Variants in BCL6B observed in about 807,000 individuals in gnomAD.
The protein encoded by BCL6B is B-cell CLL/lymphoma 6 member B protein.
A neutral mutation model predicts 44.6 loss-of-function variants in BCL6B; 28 were observed. The ratio of observed to expected loss-of-function variants is 0.63; its 90% CI spans 0.47 to 0.86. The LOEUF is 0.86. Ranked by LOEUF, BCL6B falls within the 40% of genes least tolerant of loss-of-function variation. The probability of loss-of-function intolerance (pLI) is 0.00; values close to 1 mark genes in which losing one functional copy is unlikely to be tolerated. For missense variants in BCL6B, 626 were observed against 652.3 expected, an observed-to-expected ratio of 0.96 and a Z score of 0.44; for synonymous variants, 268 against 263.6, an observed-to-expected ratio of 1.02 and a Z score of -0.16.
chr17:7,024,107 G>A lies in BCL6B; in HGVS notation c.204G>A (p.Arg68=). ...GTGGCTTCTTCTATTCAATTTTCCG[G>A]GGCCGTGCGGGAGTCGGGGTGGACG... ...ACSGFFYSIF[R]GRAGVGVDVL... Residue 68 remains arginine (R), a synonymous_variant, in exon 3 of 9, where the codon CGG becomes CGA. Coordinates refer to ENST00000293805, the MANE Select transcript of BCL6B (RefSeq NM_181844.4). This position sits in a 1 kb window ranked among gnomAD's most constrained non-coding sequence, Gnocchi z 6.6. 1 of 1,613,980 alleles carries A rather than the reference G, an allele frequency of 6.2e-7. No individual in the cohort carries two copies. The highest frequency in any genetic ancestry group is 8.5e-7 in the Non-Finnish European group (1 of 1,180,020).
In BCL6B at chr17:7,029,125, T is replaced by C; in HGVS notation, c.*1506T>C. ...TTGTTGGCATTACAGATGTAAAAGATTGACTAGCCCATAGGCCAAAGGCCT... is the reference window on the plus strand; with the variant it reads ...TTGTTGGCATTACAGATGTAAAAGACTGACTAGCCCATAGGCCAAAGGCCT... On this transcript the variant is annotated 3_prime_UTR_variant, in exon 9 of 9. Coordinates refer to ENST00000293805, the MANE Select transcript of BCL6B (RefSeq NM_181844.4). The C allele has an allele frequency of 2.0e-6, 2 of 985,536 alleles. No homozygotes were observed. Among genetic ancestry groups the C allele is most frequent in the Non-Finnish European group, 2.4e-6 (2 of 829,988 alleles). The allele number at this position is 985,536 out of a possible 1,614,324, so 61.0% of individuals were successfully genotyped here.
rs2151662512 is a variant in BCL6B at position 7,023,728 on chromosome 17, C to T, written c.57C>T (p.Arg19=). The T allele has an allele frequency of 6.2e-7, 1 of 1,613,234 alleles. No individual in the cohort carries two copies. Residue 19 remains arginine, a synonymous_variant, in exon 2 of 9, where the codon CGC becomes CGT. Coordinates refer to ENST00000293805, the MANE Select transcript of BCL6B (RefSeq NM_181844.4). ...GALGYVREFT[R]HSSDVLGNLN... ...TGGGCTACGTCCGCGAGTTCACTCG[C>T]CACTCCTCCGACGTGCTGGGCAACC...
intron 5 of BCL6B, among the ~76,000 whole-genome samples, chr17:7,025,921 TTTTA>T (rs1198720327): frequency 6.6e-6 from 1 of 151,834 alleles, no homozygotes; most frequent in Non-Finnish European, 1.5e-5. Context: ...ACTGCTTTTA[TTTTA>T]TTTATTTATT....
rs754941923 is a variant in BCL6B, at chr17:7,027,023, G to T, written c.1259G>T (p.Arg420Leu). The change falls in exon 8 of 9, where the codon CGC becomes CTC. Residue 420 changes from arginine to leucine, a missense_variant. Transcript: ENST00000293805. ...TACCCTTGCCCTACCTGCGGAACCC[G>T]CTTCCGCCACCTGCAGACCCTCAAG... ...KPYPCPTCGT[R>L]FRHLQTLKSH... is the part of the protein sequence containing the mutation. The T allele has an allele frequency of 8.7e-6, 14 of 1,613,586 alleles. No individual in the cohort carries two copies. In the Admixed American group the frequency reaches 2.2e-4, roughly 25 times the overall value.
rs756736408 is a variant in BCL6B at position 7,024,171 on chromosome 17, G to C, written c.268G>C (p.Ala90Pro). 6.2e-6 allele frequency: 10 copies of C among 1,613,778 alleles called. No individual in the cohort carries two copies. The highest frequency in any genetic ancestry group is 7.6e-6 in the Non-Finnish European group (9 of 1,180,018). The change falls in exon 3 of 9, where the codon GCC becomes CCC. Residue 90 changes from alanine (A) to proline (P), a missense_variant. Transcript: ENST00000293805. The surrounding 1 kb of genome is among the most constrained non-coding windows in gnomAD (Gnocchi z 6.6). ...CGGGGGTCCCGAAGCGAGAGGCTTC[G>C]CCCCTCTATTGGACTTCATGTACAC... is the stretch of plus-strand genomic sequence containing the variant. The part of the protein sequence containing the change: ...LPGGPEARGF[A>P]PLLDFMYTSR...
At chr17:7,026,868 C>T in intron 7 of BCL6B, 33 bp downstream of exon 7, 1 of 1,612,234 alleles carries the variant, frequency 6.2e-7, no homozygotes. Context: ...GCTTCCAAGG[C>T]AAACCTGCAA....
In BCL6B at chr17:7,024,998, G is replaced by A. The variant is rs187556986; in HGVS notation, c.765-78G>A. On this transcript the variant is annotated intron_variant, in intron 4 of 8. Coordinates refer to ENST00000293805, the MANE Select transcript of BCL6B (RefSeq NM_181844.4). The surrounding 1 kb of genome is among the most constrained non-coding windows in gnomAD (Gnocchi z 6.6). ...CTCACCCTGAGAGGGCAGGCCTTTG[G>A]CTCCAAATTTCCCAGGAGAGAACCC... 3.0e-5 allele frequency: 47 copies of A among 1,561,832 alleles called. 1 individual carries two copies. In the East Asian group the frequency reaches 9.9e-4, roughly 33 times the overall value.
In BCL6B at chr17:7,027,797, CCT is replaced by C. The variant is rs1449952689; in HGVS notation, c.*181_*182del. 7 of 1,431,988 alleles carry C rather than the reference CCT, an allele frequency of 4.9e-6. No homozygotes were observed. In the African/African-American group the frequency reaches 5.8e-5, roughly 12 times the overall value. The allele number at this position is 1,431,988 out of a possible 1,614,324, so 88.7% of individuals were successfully genotyped here. On this transcript the variant is annotated 3_prime_UTR_variant, in exon 9 of 9. Transcript: ENST00000293805. The stretch of plus-strand genomic sequence containing the variant: ...GGGTGGCAGATCCTGGCTAGATCTG[CCT>C]CTGTTTTGCTGGTCAAAACCTCTTC...
rs1219592171 is a variant in BCL6B at position 7,029,334 on chromosome 17, A to C, written c.*1715A>C. 5 of 990,368 alleles carry C rather than the reference A, an allele frequency of 5.0e-6. No homozygotes were observed. In the African/African-American group the frequency reaches 8.7e-5, roughly 17 times the overall value. The allele number at this position is 990,368 out of a possible 1,614,324, so 61.3% of individuals were successfully genotyped here. On this transcript the variant is annotated 3_prime_UTR_variant, in exon 9 of 9. Coordinates refer to ENST00000293805, the MANE Select transcript of BCL6B (RefSeq NM_181844.4). ...TCTGCCCCTTGTTGCCCTGGGGCTT[A>C]TCTGATTATGGGACGAGGGTAGAAA...
rs2151664886 is a variant in BCL6B, at chr17:7,028,115, TG to T, written c.*499del. The T allele has an allele frequency of 1.0e-6, 1 of 986,894 alleles. No homozygotes were observed. The highest frequency in any genetic ancestry group is 1.1e-4 in the East Asian group (1 of 8,828). The allele number at this position is 986,894 out of a possible 1,614,324, so 61.1% of individuals were successfully genotyped here. A position where few individuals can be genotyped will look rare whatever the true frequency, so the allele number is the denominator to read the frequency against. On this transcript the variant is annotated 3_prime_UTR_variant, in exon 9 of 9. Coordinates refer to ENST00000293805, the MANE Select transcript of BCL6B (RefSeq NM_181844.4). ...TAGCCCTTGGCTCTCTCGTTTGGCTTGGGTATTTTATATTATTTCTGTCATA... is the reference window on the plus strand; with the variant it reads ...TAGCCCTTGGCTCTCTCGTTTGGCTTGGTATTTTATATTATTTCTGTCATA...
Position 7,024,783 on chromosome 17 carries a change from A to C in BCL6B, c.764+20A>C. The stretch of plus-strand genomic sequence containing the variant: ...GAGCAGGTACAGAGTCTAGAACCTC[A>C]AGAATTTGTCAGAGCTGGCCTCAGC... On this transcript the variant is annotated intron_variant, in intron 4 of 8. Coordinates refer to ENST00000293805, the MANE Select transcript of BCL6B (RefSeq NM_181844.4). The surrounding 1 kb of genome is among the most constrained non-coding windows in gnomAD (Gnocchi z 6.6). 1 of 1,586,038 alleles carries C rather than the reference A, an allele frequency of 6.3e-7. No homozygotes were observed. The highest frequency in any genetic ancestry group is 8.6e-7 in the Non-Finnish European group (1 of 1,166,614).
At position 7,024,587 on chromosome 17, in the gene BCL6B, G is replaced by A. The variant is rs1164828444; in HGVS notation, c.588G>A (p.Lys196=). ...SPDPKACNWK[K]YKYIVLNSQA... ...ACCCCAAGGCCTGCAACTGGAAAAA[G>A]TACAAGTACATCGTGCTAAACTCTC... The change falls in exon 4 of 9, where the codon AAG becomes AAA. Residue 196 remains lysine (K), a synonymous_variant. Transcript: ENST00000293805. The surrounding 1 kb of genome is among the most constrained non-coding windows in gnomAD (Gnocchi z 6.6). The A allele has an allele frequency of 6.2e-7, 1 of 1,614,116 alleles. No individual in the cohort carries two copies. The highest frequency in any genetic ancestry group is 1.7e-5 in the Admixed American group (1 of 60,012).
At chr17:7,026,355 T>C in intron 5 of BCL6B, 102 bp from the exon 6 acceptor site, 1 of 1,438,988 alleles carries the variant, frequency 6.9e-7, no homozygotes, top group Non-Finnish European at 9.4e-7. Context: ...TAACAATAAA[T>C]TGGGAAACAG....
intron 5 of BCL6B, among the ~76,000 whole-genome samples, chr17:7,025,730 A>G (rs893422596): frequency 6.6e-6 from 1 of 151,016 alleles, no homozygotes; most frequent in Non-Finnish European, 1.5e-5. Context: ...CCAGCTACTC[A>G]GGAAGCTAAA....
Position 7,024,700 on chromosome 17 carries a change from CCAGCAGCAG to C in BCL6B, c.723_731del (p.Ser242_Ser244del), listed in dbSNP as rs55799550. 3.2e-4 allele frequency: 474 copies of C among 1,458,784 alleles called. No homozygotes were observed. The highest frequency in any genetic ancestry group is 3.9e-4 in the Non-Finnish European group (414 of 1,056,926). 90.4% of individuals were successfully genotyped at this position (1,458,784 alleles called of 1,614,324 possible). ...AGGCTCCCCAGTGGAGACGAGGCCT[CCAGCAGCAG>C]CAGCAGCAGCAGCAGCAGCAGTGAA... On this transcript the variant is annotated inframe_deletion, in exon 4 of 9. Coordinates refer to ENST00000293805, the MANE Select transcript of BCL6B (RefSeq NM_181844.4). This position sits in a 1 kb window ranked among gnomAD's most constrained non-coding sequence, Gnocchi z 6.6.
chr17:7,023,746 G>C lies in BCL6B; in HGVS notation c.75G>C (p.Leu25=). 1 of 1,613,354 alleles carries C rather than the reference G, an allele frequency of 6.2e-7. No homozygotes were observed. Among genetic ancestry groups the C allele is most frequent in the South Asian group, 1.1e-5 (1 of 91,084 alleles). ...REFTRHSSDV[L]GNLNELRLRG... ...TCACTCGCCACTCCTCCGACGTGCT[G>C]GGCAACCTCAACGAGCTGCGCCTGC... The change falls in exon 2 of 9, where the codon CTG becomes CTC. Residue 25 remains leucine, a synonymous_variant. Transcript: ENST00000293805.
rs1188428947 is a variant in BCL6B at position 7,029,226 on chromosome 17, TAG to T, written c.*1609_*1610del. 1 of 986,284 alleles carries T rather than the reference TAG, an allele frequency of 1.0e-6. No homozygotes were observed. Among genetic ancestry groups the T allele is most frequent in the Non-Finnish European group, 1.2e-6 (1 of 830,572 alleles). The allele number at this position is 986,284 out of a possible 1,614,324, so 61.1% of individuals were successfully genotyped here. A position where few individuals can be genotyped will look rare whatever the true frequency, so the allele number is the denominator to read the frequency against. On this transcript the variant is annotated 3_prime_UTR_variant, in exon 9 of 9. Coordinates refer to ENST00000293805, the MANE Select transcript of BCL6B (RefSeq NM_181844.4). ...CAGTTTCTGGTGTAGGCCAGGTAGG[TAG>T]AAAGTGAGGAACAGGGTTGCCTCTT...
In BCL6B at chr17:7,027,058, C is replaced by T; in HGVS notation, c.1294C>T (p.Arg432Cys). Reference sequence around the variant, plus strand: ...CCTGCAGACCCTCAAGAGCCACGTTCGCATCCACACCGGAGAGAAGCCTTA... The same window carrying T: ...CCTGCAGACCCTCAAGAGCCACGTTTGCATCCACACCGGAGAGAAGCCTTA... ...RHLQTLKSHV[R>C]IHTGEKPYHC... Residue 432 changes from arginine to cysteine, a missense_variant, in exon 8 of 9, where the codon CGC becomes TGC. By Grantham distance (180) the Arg-to-Cys change is radical. Coordinates refer to ENST00000293805, the MANE Select transcript of BCL6B (RefSeq NM_181844.4). 2 of 1,613,994 alleles carry T rather than the reference C, an allele frequency of 1.2e-6. No individual in the cohort carries two copies. The highest frequency in any genetic ancestry group is 8.5e-7 in the Non-Finnish European group (1 of 1,180,002).
chr17:7,024,077 C>A lies in BCL6B; in HGVS notation c.180-6C>A. On this transcript the variant is annotated splice_region_variant and splice_polypyrimidine_tract_variant and intron_variant, in intron 2 of 8. Coordinates refer to ENST00000293805, the MANE Select transcript of BCL6B (RefSeq NM_181844.4). This position sits in a 1 kb window ranked among gnomAD's most constrained non-coding sequence, Gnocchi z 6.6. Reference sequence around the variant, plus strand: ...CCCCCAAAGGACTTATCTGCTCTCTCTCTAGTGGCTTCTTCTATTCAATTT... The same window carrying A: ...CCCCCAAAGGACTTATCTGCTCTCTATCTAGTGGCTTCTTCTATTCAATTT... The A allele has an allele frequency of 6.2e-7, 1 of 1,613,794 alleles. No individual in the cohort carries two copies. Among genetic ancestry groups the A allele is most frequent in the Non-Finnish European group, 8.5e-7 (1 of 1,179,912 alleles).
Sources: gnomAD v4.1 joint callset for allele counts (sites outside exome capture counted in the v4.1 genomes callset) on GRCh38, gnomAD v4.1.1 for gene constraint, Gnocchi (gnomAD v3.1) non-coding constraint, MANE v1.5 for transcripts, NCBI Gene and HGNC (gene_info 2026-07-23, HGNC 2026-07-21) for gene names.